PBX3: variants seen among roughly 807,000 people sequenced by gnomAD.
PBX3 encodes PBX homeobox 3.
In PBX3, 14 loss-of-function variants were observed where a neutral mutation model predicts 48.5. The ratio of observed to expected loss-of-function variants is 0.29; its 90% CI spans 0.19 to 0.45. PBX3 has a LOEUF of 0.45. Ranked by LOEUF, PBX3 falls within the 20% of genes least tolerant of loss-of-function variation. PBX3 has a pLI of 1.00. For synonymous variants in PBX3, 210 were observed against 200.3 expected (o/e 1.05, Z -0.41); for missense variants, 386 against 546.7 (o/e 0.71, Z 2.93).
intron 2 of PBX3, among the ~76,000 whole-genome samples, chr9:125,805,961 A>G (rs879313190): frequency 9.2e-5 from 14 of 152,230 alleles, no homozygotes; most frequent in East Asian, 1.9e-4. Context: ...GAGAAATGTA[A>G]TAAGCCAAAT....
rs79680042 is a variant in PBX3 at position 125,829,144 on chromosome 9, T to C, written c.274+80521T>C. On this transcript the variant is annotated intron_variant, in intron 2 of 8. Coordinates refer to ENST00000373489, the MANE Select transcript of PBX3 (RefSeq NM_006195.6). ...AAAGTGCAACTTTATCAATTTTAAA[T>C]GTTAAAGACGATTCGTTGCATGATT... Among the ~76,000 whole-genome samples, 490 of 152,348 alleles carry C rather than the reference T, an allele frequency of 3.2e-3. 3 individuals are homozygous for C. The highest frequency in any genetic ancestry group is 6.5e-3 in the African/African-American group (270 of 41,584).
At chr9:125,802,781 C>A (rs1837999338) in intron 2 of PBX3, among the ~76,000 whole-genome samples, 1 of 151,172 alleles carries the variant, frequency 6.6e-6, no homozygotes, top group Admixed American at 6.6e-5. Context: ...CGGGTTCAAG[C>A]AATTCTCCTG....
intron 2 of PBX3, among the ~76,000 whole-genome samples, chr9:125,847,793 C>G (rs1839467676): frequency 6.7e-6 from 1 of 150,266 alleles, no homozygotes; most frequent in African/African-American, 2.4e-5. Flanking sequence ...AGTAGGCTAT[C>G]TTGTCCCATC....
intron 2 of PBX3, among the ~76,000 whole-genome samples, chr9:125,786,257 C>T (rs1338141519): frequency 6.6e-6 from 1 of 152,108 alleles, no homozygotes; most frequent in Non-Finnish European, 1.5e-5. Flanking sequence ...TGAGATGTCA[C>T]CTGCTTATCA....
chr9:125,751,168 G>A (rs2131946961), intron 2 of PBX3, among the ~76,000 whole-genome samples: 1 of 152,226 alleles, frequency 6.6e-6, no homozygotes, highest in Non-Finnish European at 1.5e-5. Flanking sequence ...TTTAGAGAAA[G>A]TTTACCTAGT....
At chr9:125,843,309 G>C (rs1053780841) in intron 2 of PBX3, among the ~76,000 whole-genome samples, 2 of 152,056 alleles carry the variant, frequency 1.3e-5, no homozygotes, top group Non-Finnish European at 2.9e-5. Context: ...TTACTTAAAT[G>C]TGAGTATAAT....
At chr9:125,873,798 C>A (rs1217825497) in intron 2 of PBX3, among the ~76,000 whole-genome samples, 1 of 151,718 alleles carries the variant, frequency 6.6e-6, no homozygotes, top group Non-Finnish European at 1.5e-5. Flanking sequence ...GCTAGATAAA[C>A]CCAAAGGAAA....
intron 2 of PBX3, among the ~76,000 whole-genome samples, chr9:125,881,569 G>A (rs1840382379): frequency 1.3e-5 from 2 of 151,850 alleles, no homozygotes; most frequent in African/African-American, 2.4e-5. Context: ...GAATCTCCCT[G>A]TTGATTTAGT....
chr9:125,799,630 G>A (rs1837882402), intron 2 of PBX3, among the ~76,000 whole-genome samples: 1 of 152,136 alleles, frequency 6.6e-6, no homozygotes, highest in South Asian at 2.1e-4. Context: ...AAGCATTATA[G>A]TGTAGACAAC....
intron 2 of PBX3, among the ~76,000 whole-genome samples, chr9:125,909,090 A>C (rs916308926): frequency 3.3e-5 from 5 of 152,152 alleles, no homozygotes; most frequent in African/African-American, 7.2e-5. Flanking sequence ...ATTTAACAAA[A>C]AAGTGCCTTA....
rs1008420483 is a variant in PBX3 at position 125,966,871 on chromosome 9, C to T, written c.*948C>T. ...ACAATACTCACGCTGTAGTTTGTCT[C>T]TTTCTTATCTTTTTGCATCTTGTAA... On this transcript the variant is annotated 3_prime_UTR_variant, in exon 9 of 9. Transcript: ENST00000373489. 2 of 152,486 alleles carry T rather than the reference C, an allele frequency of 1.3e-5. No individual in the cohort carries two copies. The highest frequency in any genetic ancestry group is 4.8e-5 in the African/African-American group (2 of 41,310). The allele number at this position is 152,486 out of a possible 1,614,324, so 9.4% of individuals were successfully genotyped here.
intron 2 of PBX3, among the ~76,000 whole-genome samples, chr9:125,773,125 A>G (rs1384691125): frequency 2.0e-5 from 3 of 152,178 alleles, no homozygotes; most frequent in African/African-American, 4.8e-5. Context: ...GATTTTTTAT[A>G]TAGTTCACTT....
At chr9:125,800,443 T>G (rs973993418) in intron 2 of PBX3, among the ~76,000 whole-genome samples, 33 of 152,222 alleles carry the variant, frequency 2.2e-4, no homozygotes, top group African/African-American at 7.5e-4. Context: ...CTTATAACCC[T>G]AAATTCTATG....
intron 2 of PBX3, among the ~76,000 whole-genome samples, chr9:125,817,279 A>G (rs1259842619): frequency 2.0e-5 from 3 of 152,236 alleles, no homozygotes; most frequent in Non-Finnish European, 4.4e-5. Context: ...TTTACTTCCA[A>G]TACTTATTTA....
At chr9:125,794,654 C>A (rs1481029990) in intron 2 of PBX3, among the ~76,000 whole-genome samples, 1 of 148,872 alleles carries the variant, frequency 6.7e-6, no homozygotes, top group African/African-American at 2.5e-5. Context: ...TGCCTTTTGT[C>A]AGGATTATGT....
chr9:125,758,461 G>T (rs1364241660), intron 2 of PBX3, among the ~76,000 whole-genome samples: 2 of 152,036 alleles, frequency 1.3e-5, no homozygotes, highest in Non-Finnish European at 2.9e-5. Flanking sequence ...AAAATTAGGA[G>T]TTCAAAGTTT....
In PBX3 at chr9:125,870,105, T is replaced by G. The variant is rs147199700; in HGVS notation, c.275-45581T>G. The stretch of plus-strand genomic sequence containing the variant: ...TCTCAGCTCACTGAGACAGTAGCAC[T>G]ATCTCAGCTCACTGAGACAGTAGCA... On this transcript the variant is annotated intron_variant, in intron 2 of 8. Transcript: ENST00000373489. Among the ~76,000 whole-genome samples the G allele has an allele frequency of 8.1e-3, 1,182 of 145,402 alleles. 3 individuals are homozygous for G. The highest frequency in any genetic ancestry group is 0.015 in the African/African-American group (603 of 40,656).
At chr9:125,803,091 C>CTT (rs59714151) in intron 2 of PBX3, among the ~76,000 whole-genome samples, 3,403 of 108,876 alleles carry the variant, frequency 0.031, 339 homozygotes, top group African/African-American at 0.11. Flanking sequence ...CCACTAATGT[C>CTT]TTTTTTTTTT....
At chr9:125,844,799 T>C (rs1220476273) in intron 2 of PBX3, 1 of 152,068 alleles carries the variant, frequency 6.6e-6, no homozygotes, top group Non-Finnish European at 1.5e-5. Flanking sequence ...CCATTGCTAC[T>C]CCAGGAACAC....
Sources: allele counts gnomAD v4.1 joint callset (sites outside exome capture counted in the v4.1 genomes callset), GRCh38; gene constraint gnomAD v4.1.1; transcripts MANE v1.5; gene names NCBI Gene and HGNC (gene_info 2026-07-23, HGNC 2026-07-21).